Variants in MPHOSPH8 observed in about 807,000 individuals in gnomAD.
MPHOSPH8 encodes M-phase phosphoprotein 8.
MPHOSPH8 carries 45 observed loss-of-function variants against 87.3 expected under a neutral mutation model. That is an observed-to-expected ratio of 0.52 (90% CI 0.41 to 0.66). The LOEUF is 0.66. MPHOSPH8 is among the 30% of genes least tolerant of loss of function. The pLI, the probability that MPHOSPH8 is intolerant of heterozygous loss-of-function variation, is 0.00. For synonymous variants in MPHOSPH8, 366 were observed against 376.9 expected (o/e 0.97, Z 0.33); for missense variants, 883 against 1,020.2 (o/e 0.87, Z 1.83).
intron 5 of MPHOSPH8, among the ~76,000 whole-genome samples, chr13:19,652,088 C>T (rs1045610468): frequency 6.6e-6 from 1 of 152,046 alleles, no homozygotes; most frequent in Non-Finnish European, 1.5e-5. Flanking sequence ...GGCAACAGTG[C>T]GAGTCTCCAT....
In MPHOSPH8 at chr13:19,648,302, T is replaced by G. The variant is rs118113932; in HGVS notation, c.1219-120T>G. ...AAGAGGATTTAATGATCAGTTATCA[T>G]GTACCACAGTATACAAGGGTGATTC... On this transcript the variant is annotated intron_variant, in intron 3 of 13. Coordinates refer to ENST00000361479, the MANE Select transcript of MPHOSPH8 (RefSeq NM_017520.4). The G allele has an allele frequency of 5.1e-3, 2,625 of 511,214 alleles. 25 individuals are homozygous for G. Among genetic ancestry groups the G allele is most frequent in the Middle Eastern group, 0.012 (23 of 1,970 alleles). 31.7% of individuals were successfully genotyped at this position (511,214 alleles called of 1,614,324 possible).
intron 4 of MPHOSPH8, 78 bp from the exon 5 acceptor site, chr13:19,649,925 C>T (rs1033226277): frequency 1.5e-5 from 18 of 1,201,634 alleles, no homozygotes; most frequent in Non-Finnish European, 2.0e-5. Context: ...GTTGCTTTAA[C>T]ACTAAGTTAG....
intron 2 of MPHOSPH8, among the ~76,000 whole-genome samples, chr13:19,645,850 G>GT (rs1282282762): frequency 6.6e-6 from 1 of 151,652 alleles, no homozygotes; most frequent in Non-Finnish European, 1.5e-5. Flanking sequence ...TTTGCATAGT[G>GT]TTTTTGTGTT....
rs1593484762 is a variant in MPHOSPH8 at position 19,659,711 on chromosome 13, T to C, written c.1791+422T>C. 7.1e-6 allele frequency: 3 copies of C among 422,228 alleles called. 1 individual carries two copies. The highest frequency in any genetic ancestry group is 6.3e-5 in the African/African-American group (3 of 47,888). 26.2% of individuals were successfully genotyped at this position (422,228 alleles called of 1,614,324 possible). Reference sequence around the variant, plus strand: ...CGTTCACTTTGTAAAATAAAAAAATTGTAGAACCCTATAAATGTACAATTA... The same window carrying C: ...CGTTCACTTTGTAAAATAAAAAAATCGTAGAACCCTATAAATGTACAATTA... On this transcript the variant is annotated intron_variant, in intron 7 of 13. Coordinates refer to ENST00000361479, the MANE Select transcript of MPHOSPH8 (RefSeq NM_017520.4).
At chr13:19,643,827 CAAT>C (rs1002179534) in intron 2 of MPHOSPH8, among the ~76,000 whole-genome samples, 1 of 152,126 alleles carries the variant, frequency 6.6e-6, no homozygotes, top group Non-Finnish European at 1.5e-5. Context: ...ATCCCAGCCT[CAAT>C]AAATCCATGC....
Position 19,673,190 on chromosome 13 carries a change from G to T in MPHOSPH8, c.*1315G>T. 1 of 445,668 alleles carries T rather than the reference G, an allele frequency of 2.2e-6. No individual in the cohort carries two copies. Among genetic ancestry groups the T allele is most frequent in the Non-Finnish European group, 4.5e-6 (1 of 224,368 alleles). 27.6% of individuals were successfully genotyped at this position (445,668 alleles called of 1,614,324 possible). ...AGGTAACAGCCAAACCTGGCTGTCA[G>T]CTGTGTGGGAGCCACCACCCTCTCT... On this transcript the variant is annotated 3_prime_UTR_variant, in exon 14 of 14. Coordinates refer to ENST00000361479, the MANE Select transcript of MPHOSPH8 (RefSeq NM_017520.4).
intron 1 of MPHOSPH8, among the ~76,000 whole-genome samples, chr13:19,636,398 C>T (rs1874010763): frequency 6.6e-6 from 1 of 152,130 alleles, no homozygotes; most frequent in African/African-American, 2.4e-5. Context: ...GAAATACATA[C>T]ATACACCACC....
At chr13:19,636,482 A>G (rs564489856) in intron 1 of MPHOSPH8, among the ~76,000 whole-genome samples, 1 of 151,168 alleles carries the variant, frequency 6.6e-6, no homozygotes, top group Admixed American at 6.6e-5. Context: ...AGTGTATATT[A>G]ATTTCCTTTT....
intron 4 of MPHOSPH8, among the ~76,000 whole-genome samples, 196 bp from the exon 5 acceptor site, chr13:19,649,807 T>C (rs1433756530): frequency 6.6e-6 from 1 of 152,228 alleles, no homozygotes; most frequent in Non-Finnish European, 1.5e-5. Context: ...TTCTGAATAT[T>C]GAGCAGCCAG....
intron 9 of MPHOSPH8, among the ~76,000 whole-genome samples, chr13:19,664,448 C>T (rs1005931917): frequency 3.9e-5 from 6 of 152,092 alleles, no homozygotes; most frequent in African/African-American, 1.2e-4. Flanking sequence ...TTAGGGAGTT[C>T]GTCCTGAGGG....
At position 19,644,811 on chromosome 13, in the gene MPHOSPH8, A is replaced by G. The variant is rs373505229; in HGVS notation, c.370-1632A>G. Among the ~76,000 whole-genome samples the G allele has an allele frequency of 2.2e-3, 332 of 152,292 alleles. 11 individuals are homozygous for G. In the South Asian group the frequency reaches 0.052, roughly 24 times the overall value. ...AATCCATTGTTATCTGGCACAAAAC[A>G]TTGCTCTTGATGACCAGTTGAGTTT... On this transcript the variant is annotated intron_variant, in intron 2 of 13. Transcript: ENST00000361479.
intron 10 of MPHOSPH8, among the ~76,000 whole-genome samples, chr13:19,668,047 G>A (rs1180059739): frequency 6.6e-6 from 1 of 152,206 alleles, no homozygotes; most frequent in African/African-American, 2.4e-5. Flanking sequence ...CCAGTACTGA[G>A]GGGTTCCCCT....
chr13:19,655,871 CTT>C (rs1225212535), intron 5 of MPHOSPH8, among the ~76,000 whole-genome samples: 1 of 152,096 alleles, frequency 6.6e-6, no homozygotes, highest in East Asian at 1.9e-4. Context: ...AATCCCAGTG[CTT>C]TGAGAGGCCA....
chr13:19,663,027 TTTC>T lies in MPHOSPH8; in HGVS notation c.1933-10_1933-8del. 6.3e-7 allele frequency: 1 copy of T among 1,594,852 alleles called. No homozygotes were observed. The highest frequency in any genetic ancestry group is 8.6e-7 in the Non-Finnish European group (1 of 1,168,564). Reference sequence around the variant, plus strand: ...ATTTGGGAAATTAAATTTGCCTTTTTTTCTTTTCATAGAACTTTTTAACAACAG... The same window carrying T: ...ATTTGGGAAATTAAATTTGCCTTTTTTTTTCATAGAACTTTTTAACAACAG... On this transcript the variant is annotated splice_polypyrimidine_tract_variant and intron_variant, in intron 8 of 13. Transcript: ENST00000361479.
intron 1 of MPHOSPH8, among the ~76,000 whole-genome samples, chr13:19,638,943 C>G (rs1053191038): frequency 2.0e-5 from 3 of 151,850 alleles, no homozygotes; most frequent in Admixed American, 6.6e-5. Flanking sequence ...ATTAGCCAGG[C>G]GTGGTGCTGG....
At chr13:19,659,648 A>T (rs974260522) in intron 7 of MPHOSPH8, 33 of 428,176 alleles carry the variant, frequency 7.7e-5, no homozygotes, top group African/African-American at 6.4e-4. Context: ...TGGGCAACAG[A>T]GCAAGACTCC....
chr13:19,645,378 G>T (rs561780083), intron 2 of MPHOSPH8, among the ~76,000 whole-genome samples: 1 of 152,240 alleles, frequency 6.6e-6, no homozygotes, highest in South Asian at 2.1e-4. Flanking sequence ...TTTTTATGAG[G>T]TGATTCAGGG....
chr13:19,650,299 T>G (rs1171572922), intron 5 of MPHOSPH8, 39 bp downstream of exon 5: 3 of 1,590,960 alleles, frequency 1.9e-6, no homozygotes. Context: ...TTCAAGGTAG[T>G]GCACCATATT....
At chr13:19,657,760 T>C (rs1316875803) in intron 5 of MPHOSPH8, among the ~76,000 whole-genome samples, 1 of 152,114 alleles carries the variant, frequency 6.6e-6, no homozygotes, top group Admixed American at 6.6e-5. Context: ...GGTGGTATTA[T>C]CTCAGTTCAT....
Sources: gnomAD v4.1 joint callset for allele counts (sites outside exome capture counted in the v4.1 genomes callset) on GRCh38, gnomAD v4.1.1 for gene constraint, MANE v1.5 for transcripts, NCBI Gene and HGNC (gene_info 2026-07-23, HGNC 2026-07-21) for gene names.